Variants in FAF1 observed in about 807,000 individuals in gnomAD.
FAF1 encodes FAS-associated factor 1.
FAF1 carries 25 observed loss-of-function variants against 92.5 expected under a neutral mutation model. The observed-to-expected ratio is 0.27, with a 90% CI of 0.20 to 0.38. FAF1 has a LOEUF of 0.38. Ranked by LOEUF, FAF1 falls within the 10% of genes least tolerant of loss-of-function variation. FAF1 has a pLI of 1.00. For synonymous variants in FAF1, 234 were observed against 273.2 expected (o/e 0.86, Z 1.42); for missense variants, 636 against 793.3 (o/e 0.80, Z 2.38).
At chr1:50,713,726 T>C (rs1658048083) in intron 6 of FAF1, among the ~76,000 whole-genome samples, 1 of 151,564 alleles carries the variant, frequency 6.6e-6, no homozygotes, top group Non-Finnish European at 1.5e-5. Flanking sequence ...GCCTCCTGAG[T>C]AGTTGAGATT....
chr1:50,870,998 C>T (rs963433049), intron 1 of FAF1, among the ~76,000 whole-genome samples: 1 of 152,210 alleles, frequency 6.6e-6, no homozygotes, highest in African/African-American at 2.4e-5. Context: ...TTACGTGTTA[C>T]TCTAGTGAAT....
chr1:50,477,252 T>C (rs1646650115), intron 17 of FAF1, among the ~76,000 whole-genome samples: 1 of 152,152 alleles, frequency 6.6e-6, no homozygotes, highest in Non-Finnish European at 1.5e-5. Flanking sequence ...ACCTACCTTA[T>C]AGGGGATTAC....
At chr1:50,484,779 T>C (rs551514459) in intron 17 of FAF1, among the ~76,000 whole-genome samples, 1 of 152,288 alleles carries the variant, frequency 6.6e-6, no homozygotes, top group East Asian at 1.9e-4. Context: ...GAAGCTCTGG[T>C]TCTGCTTTTA....
intron 6 of FAF1, among the ~76,000 whole-genome samples, chr1:50,736,974 A>G (rs1324517690): frequency 1.3e-5 from 2 of 152,196 alleles, no homozygotes; most frequent in Non-Finnish European, 2.9e-5. Context: ...TAAACATACT[A>G]AAAGAAGTAA....
At chr1:50,533,791 T>C (rs974642484) in intron 15 of FAF1, among the ~76,000 whole-genome samples, 1 of 152,144 alleles carries the variant, frequency 6.6e-6, no homozygotes, top group African/African-American at 2.4e-5. Context: ...GAACATAACA[T>C]CTCAAATTAA....
intron 3 of FAF1, among the ~76,000 whole-genome samples, chr1:50,797,047 G>T (rs1213546189): frequency 6.6e-6 from 1 of 152,094 alleles, no homozygotes; most frequent in Non-Finnish European, 1.5e-5. Context: ...GATGTGGGAG[G>T]ATCAATTGAG....
At chr1:50,541,337 T>A (rs548031650) in intron 13 of FAF1, among the ~76,000 whole-genome samples, 1 of 152,282 alleles carries the variant, frequency 6.6e-6, no homozygotes, top group South Asian at 2.1e-4. Flanking sequence ...CTCATGGCAA[T>A]TTCATATCAG....
intron 8 of FAF1, among the ~76,000 whole-genome samples, chr1:50,627,395 G>C (rs1653556200): frequency 1.3e-5 from 2 of 152,064 alleles, no homozygotes; most frequent in Admixed American, 6.6e-5. Flanking sequence ...CTCCTAGAAA[G>C]TATTTTAAAT....
intron 1 of FAF1, among the ~76,000 whole-genome samples, chr1:50,892,538 G>T (rs1359986589): frequency 1.3e-5 from 2 of 152,142 alleles, no homozygotes; most frequent in Non-Finnish European, 2.9e-5. Context: ...AGCCTGTAAG[G>T]TTTCCACTGA....
chr1:50,554,382 T>TAGAGAGAGAGAG (rs541317145), intron 13 of FAF1, among the ~76,000 whole-genome samples: 1 of 99,044 alleles, frequency 1.0e-5, no homozygotes, highest in Non-Finnish European at 2.0e-5. Flanking sequence ...TATATATATA[T>TAGAGAGAGAGAG]ATATATATAG....
chr1:50,495,602 T>C (rs1646888786), intron 15 of FAF1, among the ~76,000 whole-genome samples: 2 of 152,262 alleles, frequency 1.3e-5, no homozygotes, highest in African/African-American at 4.8e-5. Context: ...ATATACTGAT[T>C]TCCCTCCTTT....
At chr1:50,847,770 A>G (rs1334926990) in intron 2 of FAF1, among the ~76,000 whole-genome samples, 1 of 152,112 alleles carries the variant, frequency 6.6e-6, no homozygotes, top group Non-Finnish European at 1.5e-5. Context: ...GGTTAACTGT[A>G]TATTATATAA....
Position 50,921,627 on chromosome 1 carries a change from G to A in FAF1, c.45+38140C>T, listed in dbSNP as rs558001812. Among the ~76,000 whole-genome samples the A allele has an allele frequency of 5.9e-5, 9 of 152,096 alleles. No homozygotes were observed. The East Asian group carries it at 1.7e-3, about 29-fold the overall frequency. On this transcript the variant is annotated intron_variant, in intron 1 of 18. Coordinates refer to ENST00000396153, the MANE Select transcript of FAF1 (RefSeq NM_007051.3). ...AAATACAACAGTTAGGAATGGTGGT[G>A]CCTAGCTACTAGGGAGGCTGAGTAC...
chr1:50,695,711 G>A (rs917324428), intron 7 of FAF1, among the ~76,000 whole-genome samples: 3 of 152,036 alleles, frequency 2.0e-5, no homozygotes, highest in East Asian at 1.9e-4. Flanking sequence ...GCAGTGGCGC[G>A]ATCTCGGCTC....
intron 1 of FAF1, among the ~76,000 whole-genome samples, chr1:50,892,212 C>A (rs1441276547): frequency 6.6e-6 from 1 of 152,172 alleles, no homozygotes; most frequent in Non-Finnish European, 1.5e-5. Context: ...TCAAAAAACA[C>A]AGTATTAGGG....
At chr1:50,620,452 C>G (rs1180790875) in intron 8 of FAF1, among the ~76,000 whole-genome samples, 1 of 152,210 alleles carries the variant, frequency 6.6e-6, no homozygotes, top group Admixed American at 6.5e-5. Context: ...CATCTTTCAG[C>G]TCTTGGATCA....
At chr1:50,593,551 G>A (rs1237423756) in intron 9 of FAF1, among the ~76,000 whole-genome samples, 2 of 152,130 alleles carry the variant, frequency 1.3e-5, no homozygotes, top group African/African-American at 4.8e-5. Context: ...TTTCTGCCAA[G>A]CAGTGAAACT....
chr1:50,828,771 G>A (rs972432484), intron 2 of FAF1, among the ~76,000 whole-genome samples: 35 of 152,068 alleles, frequency 2.3e-4, no homozygotes, highest in Admixed American at 1.6e-3. Context: ...TTGAAAACAG[G>A]ATCCAAAAGA....
intron 1 of FAF1, among the ~76,000 whole-genome samples, chr1:50,881,939 T>G (rs914922187): frequency 1.3e-5 from 2 of 152,202 alleles, no homozygotes; most frequent in Non-Finnish European, 2.9e-5. Flanking sequence ...CTGAAAATTG[T>G]AAGATTTTTG....
Sources: gnomAD v4.1 joint callset for allele counts (sites outside exome capture counted in the v4.1 genomes callset) on GRCh38, gnomAD v4.1.1 for gene constraint, MANE v1.5 for transcripts, NCBI Gene and HGNC (gene_info 2026-07-23, HGNC 2026-07-21) for gene names.